The following ZNF469 variants were observed in gnomAD, a reference collection of about 807,000 sequenced individuals.
ZNF469 encodes the protein zinc finger protein 469.
In ZNF469, 1 loss-of-function variant was observed where a neutral mutation model predicts 1.0. The observed-to-expected ratio is 1.00, with a 90% CI of 0.35 to 4.73. The LOEUF is 4.73. ZNF469 is among the 30% of genes most tolerant of loss of function. The probability of loss-of-function intolerance (pLI) is 0.16; values close to 1 mark genes in which losing one functional copy is unlikely to be tolerated. For missense variants in ZNF469, 6,100 were observed against 5,356.3 expected, an observed-to-expected ratio of 1.14 and a Z score of -4.33; for synonymous variants, 2,703 against 2,363.4, an observed-to-expected ratio of 1.14 and a Z score of -4.17.
the ZNF469 span, among the ~76,000 whole-genome samples, chr16:88,286,072 T>C: frequency 6.6e-6 from 1 of 152,242 alleles, no homozygotes; most frequent in Admixed American, 6.5e-5. Flanking sequence ...GCCCACTCGG[T>C]GCCTCCATCG....
At position 88,433,328 on chromosome 16, in the gene ZNF469, G is replaced by C; in HGVS notation, c.5858G>C (p.Gly1953Ala). The change falls in exon 3 of 3, where the codon GGC becomes GCC. Residue 1953 changes from glycine to alanine, a missense_variant. Transcript: ENST00000565624. ...GTGGAAGGAGGGAAGGTGGCCTGTG[G>C]CCCCGCCCAGGGCTCCCCAGGGGGT... ...GTVEGGKVAC[G>A]PAQGSPGGVQ... 1 of 1,550,318 alleles carries C rather than the reference G, an allele frequency of 6.5e-7. No individual in the cohort carries two copies. Among genetic ancestry groups the C allele is most frequent in the Non-Finnish European group, 8.7e-7 (1 of 1,146,926 alleles).
At chr16:88,193,165 G>GTGA in the ZNF469 span, among the ~76,000 whole-genome samples, 7 of 14,160 alleles carry the variant, frequency 4.9e-4, no homozygotes, top group African/African-American at 1.7e-3. Flanking sequence ...GGTGGTGATG[G>GTGA]TGGTGGGGAT....
chr16:88,326,189 A>C, the ZNF469 span, among the ~76,000 whole-genome samples: 1 of 152,192 alleles, frequency 6.6e-6, no homozygotes, highest in African/African-American at 2.4e-5. Context: ...AGTGGGAGGT[A>C]ATTGAATTAC....
chr16:88,430,518 C>A lies in ZNF469; in HGVS notation c.3048C>A (p.Ala1016=). The A allele has an allele frequency of 4.9e-6, 7 of 1,432,598 alleles. No individual in the cohort carries two copies. Among genetic ancestry groups the A allele is most frequent in the African/African-American group, 1.5e-5 (1 of 66,382 alleles). The allele number at this position is 1,432,598 out of a possible 1,614,324, so 88.7% of individuals were successfully genotyped here. Residue 1016 remains alanine, a synonymous_variant, in exon 3 of 3, where the codon GCC becomes GCA. Transcript: ENST00000565624. ...CCGCGCCCCGGGTCCCGAGAGCCGC[C>A]GCCCTCCCCGAGGAGACCCGCAGCT... The part of the protein sequence containing the change: ...ADPAPRVPRA[A]ALPEETRSSR...
the ZNF469 span, among the ~76,000 whole-genome samples, chr16:88,109,727 G>C: frequency 5.2e-4 from 78 of 151,372 alleles, no homozygotes; most frequent in Middle Eastern, 3.4e-3. Context: ...CCGGGATCAG[G>C]AGGTGCTGAG....
At chr16:88,202,276 A>C in the ZNF469 span, among the ~76,000 whole-genome samples, 3 of 152,086 alleles carry the variant, frequency 2.0e-5, no homozygotes, top group South Asian at 6.2e-4. Flanking sequence ...CATTTTCCAC[A>C]TACAGAAGTG....
rs1419259989 is a variant in ZNF469 at position 88,439,141 on chromosome 16, C to G, written c.11671C>G (p.Leu3891Val). The G allele has an allele frequency of 6.4e-7, 1 of 1,550,772 alleles. No homozygotes were observed. Among genetic ancestry groups the G allele is most frequent in the Non-Finnish European group, 8.7e-7 (1 of 1,146,982 alleles). ...GGGCCACACACAGAGGAAGGACAGA[C>G]TGGGCAAGGCCTTCCCCCAGGGGAG... ...EPGHTQRKDRLGKAFPQGRPL... is the reference protein window; with the variant it reads ...EPGHTQRKDRVGKAFPQGRPL... The change falls in exon 3 of 3, where the codon CTG becomes GTG. Residue 3891 changes from leucine to valine, a missense_variant. By Grantham distance (32) the Leu-to-Val change is conservative (BLOSUM62 1). Coordinates refer to ENST00000565624, the MANE Select transcript of ZNF469 (RefSeq NM_001367624.2).
the ZNF469 span, among the ~76,000 whole-genome samples, chr16:88,352,585 C>G: frequency 2.0e-5 from 3 of 152,258 alleles, no homozygotes; most frequent in Non-Finnish European, 4.4e-5. Context: ...ACAACCACAA[C>G]AGGCATGGGG....
the ZNF469 span, among the ~76,000 whole-genome samples, chr16:88,154,506 A>G: frequency 3.3e-5 from 5 of 152,322 alleles, no homozygotes; most frequent in Admixed American, 2.0e-4. Context: ...GGGAAGAACC[A>G]TGGTACCATC....
chr16:88,267,527 G>C, the ZNF469 span, among the ~76,000 whole-genome samples: 9 of 152,320 alleles, frequency 5.9e-5, no homozygotes, highest in Middle Eastern at 3.4e-3. Context: ...GGTCAGTGAG[G>C]CTGGAAATAA....
At chr16:88,158,794 C>T in the ZNF469 span, among the ~76,000 whole-genome samples, 1 of 152,172 alleles carries the variant, frequency 6.6e-6, no homozygotes, top group Non-Finnish European at 1.5e-5. Context: ...GCAGACAGGA[C>T]TGGGGTCTGG....
At chr16:88,134,843 C>T in the ZNF469 span, among the ~76,000 whole-genome samples, 4,178 of 152,264 alleles carry the variant, frequency 0.027, 179 homozygotes, top group African/African-American at 0.094. Flanking sequence ...AAATTTTAAA[C>T]GGATTTGTCT....
chr16:88,313,422 A>G, the ZNF469 span, among the ~76,000 whole-genome samples: 1 of 152,236 alleles, frequency 6.6e-6, no homozygotes, highest in Non-Finnish European at 1.5e-5. Context: ...CCTCCAAAAA[A>G]TGTTCAATCC....
intron 1 of ZNF469, among the ~76,000 whole-genome samples, chr16:88,409,109 G>T (rs982515831): frequency 2.6e-5 from 4 of 152,222 alleles, no homozygotes; most frequent in African/African-American, 9.6e-5. Context: ...TGCAGGGAGG[G>T]TCATGGGACC....
At chr16:88,353,962 G>T in the ZNF469 span, among the ~76,000 whole-genome samples, 1 of 152,198 alleles carries the variant, frequency 6.6e-6, no homozygotes, top group South Asian at 2.1e-4. Flanking sequence ...CACATCCGCC[G>T]TGAGGGGTGA....
At chr16:88,146,199 G>C in the ZNF469 span, among the ~76,000 whole-genome samples, 1 of 152,154 alleles carries the variant, frequency 6.6e-6, no homozygotes, top group African/African-American at 2.4e-5. Flanking sequence ...CGACCCACCC[G>C]GGCCCAGGTG....
chr16:88,434,316 C>A lies in ZNF469; in HGVS notation c.6846C>A (p.Ala2282=). The change falls in exon 3 of 3, where the codon GCC becomes GCA. Residue 2282 remains alanine, a synonymous_variant. Transcript: ENST00000565624. ...CAGGGGCCGTCTCCCCCAGCGTGGC[C>A]GTCAGGGCTACTGGCCTGTCCAGCA... ...PLAGAVSPSV[A]VRATGLSSTP... is the part of the protein sequence containing the mutation. 2 of 1,550,324 alleles carry A rather than the reference C, an allele frequency of 1.3e-6. No individual in the cohort carries two copies. The highest frequency in any genetic ancestry group is 1.7e-6 in the Non-Finnish European group (2 of 1,146,954).
chr16:88,141,933 G>A, the ZNF469 span, among the ~76,000 whole-genome samples: 2 of 152,266 alleles, frequency 1.3e-5, no homozygotes, highest in Non-Finnish European at 2.9e-5. Context: ...GACCGCCAGA[G>A]CTGTGGGAGA....
In ZNF469 at chr16:88,437,631, G is replaced by T; in HGVS notation, c.10161G>T (p.Ala3387=). Residue 3387 remains alanine (A), a synonymous_variant, in exon 3 of 3, where the codon GCG becomes GCT. Transcript: ENST00000565624. ...AGCTGCTGGCACACCTGGGCGGGGC[G>T]CACGGGCTGCTGGAGCGGCCGGAGC... The part of the protein sequence containing the change: ...HGELLAHLGG[A]HGLLERPELQ... 6.5e-7 allele frequency: 1 copy of T among 1,541,444 alleles called. No individual in the cohort carries two copies. Among genetic ancestry groups the T allele is most frequent in the African/African-American group, 1.4e-5 (1 of 72,842 alleles).
Sources: gnomAD v4.1 joint callset for allele counts (sites outside exome capture counted in the v4.1 genomes callset) on GRCh38, gnomAD v4.1.1 for gene constraint, MANE v1.5 for transcripts, NCBI Gene and HGNC (gene_info 2026-07-23, HGNC 2026-07-21) for gene names.